Variants in EHMT2 observed in about 807,000 individuals in gnomAD.
The protein encoded by EHMT2 is histone-lysine N-methyltransferase EHMT2.
Under a neutral mutation model 143.3 loss-of-function variants are expected in EHMT2, and 59 were observed. The observed-to-expected ratio is 0.41, with a 90% CI of 0.33 to 0.51. The LOEUF is 0.51. EHMT2 is among the 20% of genes least tolerant of loss of function. The pLI, the probability that EHMT2 is intolerant of heterozygous loss-of-function variation, is 0.18. For synonymous variants in EHMT2, 604 were observed against 651.5 expected (o/e 0.93, Z 1.11); for missense variants, 1,174 against 1,645.9 (o/e 0.71, Z 4.96).
exon 16 of EHMT2, chr6:31,887,016 C>G: frequency 6.2e-7 from 1 of 1,614,002 alleles, no homozygotes; most frequent in Non-Finnish European, 8.5e-7. Context: ...CATGGCAGAT[C>G]TCCACGGAGC....
chr6:31,896,515 G>A (rs745665216), exon 4 of EHMT2: 1 of 1,612,368 alleles, frequency 6.2e-7, no homozygotes, highest in African/African-American at 1.3e-5. Context: ...TTGTGGCATG[G>A]CCTAGAAAAC....
In EHMT2 at chr6:31,884,692, G is replaced by A. The variant is rs1764587054; in HGVS notation, c.2556C>T (p.Asp852=). 1 of 1,584,130 alleles carries A rather than the reference G, an allele frequency of 6.3e-7. No individual in the cohort carries two copies. Among genetic ancestry groups the A allele is most frequent in the Admixed American group, 1.8e-5 (1 of 56,890 alleles). The change falls in exon 20 of 28, where the codon GAC becomes GAT. Residue 852 remains aspartate (D), a synonymous_variant. Transcript: ENST00000375537. The surrounding 1 kb of genome is among the most constrained non-coding windows in gnomAD (Gnocchi z 7.3). ...CCCGAGCTGCGATGTGCAGGGGGGTGTCCCCATGGTAGTTGACAGCATGGA... is the reference window on the plus strand; with the variant it reads ...CCCGAGCTGCGATGTGCAGGGGGGTATCCCCATGGTAGTTGACAGCATGGA...
chr6:31,882,554 A>ACAGGGG (rs1764247262), intron 25 of EHMT2, 145 bp downstream of exon 25: 16 of 794,058 alleles, frequency 2.0e-5, no homozygotes, highest in Non-Finnish European at 2.5e-5. Flanking sequence ...AGCTGCAGGA[A>ACAGGGG]TAGGGGTCAG....
At chr6:31,894,740 C>G (rs993630706) in intron 4 of EHMT2, among the ~76,000 whole-genome samples, 4 of 152,284 alleles carry the variant, frequency 2.6e-5, no homozygotes, top group African/African-American at 7.2e-5. Flanking sequence ...TGGCTCACTG[C>G]AAGTGATTCT....
rs774697155 is a variant in EHMT2, at chr6:31,886,566, G to A, written c.2343+15C>T. The stretch of plus-strand genomic sequence containing the variant: ...ACCAGGGACCCAGAGGGGCTGGGCT[G>A]GGTGGGCCGCTGACCTGGGCGTTGA... On this transcript the variant is annotated intron_variant, in intron 18 of 27. Coordinates refer to ENST00000375537, the Ensembl canonical transcript of EHMT2. 7 of 1,606,094 alleles carry A rather than the reference G, an allele frequency of 4.4e-6. No individual in the cohort carries two copies. The highest frequency in any genetic ancestry group is 8.5e-7 in the Non-Finnish European group (1 of 1,175,698).
At chr6:31,892,267 A>G in intron 7 of EHMT2, 140 bp downstream of exon 7, 2 of 979,858 alleles carry the variant, frequency 2.0e-6, no homozygotes, top group East Asian at 5.0e-5. Flanking sequence ...GGAGTTATAG[A>G]CAGCATGGGG....
At position 31,880,876 on chromosome 6, in the gene EHMT2, A is replaced by G; in HGVS notation, c.3277-28T>C. The G allele has an allele frequency of 6.2e-7, 1 of 1,611,790 alleles. No individual in the cohort carries two copies. The highest frequency in any genetic ancestry group is 8.5e-7 in the Non-Finnish European group (1 of 1,179,176). On this transcript the variant is annotated intron_variant, in intron 26 of 27. Transcript: ENST00000375537. The surrounding 1 kb of genome is among the most constrained non-coding windows in gnomAD (Gnocchi z 6.6). The stretch of plus-strand genomic sequence containing the variant: ...GGGGCAGGGGGATGGCACTCTTCAC[A>G]TCTCCCCCGACCCTGCTTGCCCTCC...
intron 4 of EHMT2, among the ~76,000 whole-genome samples, chr6:31,894,796 C>G (rs1221997799): frequency 2.7e-5 from 4 of 146,720 alleles, no homozygotes; most frequent in African/African-American, 1.0e-4. Context: ...CGCACGCCAC[C>G]ACACCTGGCT....
chr6:31,882,374 T>C (rs1172982042), intron 25 of EHMT2, among the ~76,000 whole-genome samples: 2 of 152,074 alleles, frequency 1.3e-5, no homozygotes, highest in African/African-American at 2.4e-5. Flanking sequence ...CCAAGTCTGT[T>C]TGTCTCCCAA....
At position 31,883,665 on chromosome 6, in the gene EHMT2, T is replaced by C. The variant is rs1166319416; in HGVS notation, c.2916+141A>G. The C allele has an allele frequency of 3.2e-6, 4 of 1,257,646 alleles. No individual in the cohort carries two copies. The highest frequency in any genetic ancestry group is 4.5e-6 in the Non-Finnish European group (4 of 890,478). 77.9% of individuals were successfully genotyped at this position (1,257,646 alleles called of 1,614,324 possible). On this transcript the variant is annotated intron_variant, in intron 22 of 27. Coordinates refer to ENST00000375537, the Ensembl canonical transcript of EHMT2. The surrounding 1 kb of genome is among the most constrained non-coding windows in gnomAD (Gnocchi z 5.6). ...TGACCTAGGAAAAGGATCCCTCCCC[T>C]GGTGGGGATGCGACCCCACACCAGG...
chr6:31,897,567 G>C, intron 1 of EHMT2, 69 bp downstream of exon 1: 1 of 1,103,072 alleles, frequency 9.1e-7, no homozygotes, highest in Non-Finnish European at 1.1e-6. Context: ...CCGGAGCATT[G>C]CACGGGCGCG....
Position 31,884,814 on chromosome 6 carries a change from G to C in EHMT2, c.2449-15C>G. On this transcript the variant is annotated splice_polypyrimidine_tract_variant and intron_variant, in intron 19 of 27. Coordinates refer to ENST00000375537, the Ensembl canonical transcript of EHMT2. The surrounding 1 kb of genome is among the most constrained non-coding windows in gnomAD (Gnocchi z 7.3). The stretch of plus-strand genomic sequence containing the variant: ...ATGTTCTCCTCCTGTGGAGGTAGGA[G>C]GGGAACAGATGAGGTGCAGGCAGCT... The C allele has an allele frequency of 6.3e-7, 1 of 1,592,344 alleles. No individual in the cohort carries two copies. The highest frequency in any genetic ancestry group is 8.6e-7 in the Non-Finnish European group (1 of 1,167,784).
rs1764475641 is a variant in EHMT2 at position 31,884,075 on chromosome 6, G to C, written c.2772-125C>G. ...GCAGGGGAGTAAGGTTGCCAGGTAA[G>C]ATGCAGGACAGCGAGTTAACATAGA... is the stretch of plus-strand genomic sequence containing the variant. On this transcript the variant is annotated intron_variant, in intron 21 of 27. Coordinates refer to ENST00000375537, the Ensembl canonical transcript of EHMT2. This position sits in a 1 kb window ranked among gnomAD's most constrained non-coding sequence, Gnocchi z 7.3. 8 of 1,074,750 alleles carry C rather than the reference G, an allele frequency of 7.4e-6. No individual in the cohort carries two copies. Among genetic ancestry groups the C allele is most frequent in the African/African-American group, 1.6e-5 (1 of 62,748 alleles). The allele number at this position is 1,074,750 out of a possible 1,614,324, so 66.6% of individuals were successfully genotyped here.
Position 31,888,935 on chromosome 6 carries a change from C to T in EHMT2, c.1216+34G>A. ...TTCCCTCCTGCCCTGAGGTCGCCCC[C>T]TAGTGGCTCCCTGTCCCGGCAATTG... is the stretch of plus-strand genomic sequence containing the variant. On this transcript the variant is annotated intron_variant, in intron 10 of 27. Transcript: ENST00000375537. The surrounding 1 kb of genome is among the most constrained non-coding windows in gnomAD (Gnocchi z 7.4). 1 of 1,569,612 alleles carries T rather than the reference C, an allele frequency of 6.4e-7. No individual in the cohort carries two copies. Among genetic ancestry groups the T allele is most frequent in the African/African-American group, 1.3e-5 (1 of 74,246 alleles).
rs146704002 is a variant in EHMT2 at position 31,884,423 on chromosome 6, G to A, written c.2740C>T (p.Arg914Trp). The A allele has an allele frequency of 8.1e-6, 13 of 1,612,686 alleles. No individual in the cohort carries two copies. Among genetic ancestry groups the A allele is most frequent in the Non-Finnish European group, 1.1e-5 (13 of 1,179,980 alleles). Residue 914 changes from arginine to tryptophan, a missense_variant, in exon 21 of 28, where the codon CGG becomes TGG. Physicochemically the swap from Arg to Trp is moderately radical, Grantham distance 101 (BLOSUM62 -3). Transcript: ENST00000375537. The surrounding 1 kb of genome is among the most constrained non-coding windows in gnomAD (Gnocchi z 7.3). The stretch of plus-strand genomic sequence containing the variant: ...ATGATCTTCTCTGTGCGGATGGCCC[G>A]ATTTCCCACCCCAAGTCGGAGCTTG...
At position 31,895,394 on chromosome 6, in the gene EHMT2, T is replaced by A. The variant is rs553579524; in HGVS notation, c.582+869A>T. 3 of 152,008 alleles carry A rather than the reference T, an allele frequency of 2.0e-5. No homozygotes were observed. The South Asian group carries it at 6.2e-4, about 31-fold the overall frequency. The allele number at this position is 152,008 out of a possible 1,614,324, so 9.4% of individuals were successfully genotyped here. Reference sequence around the variant, plus strand: ...TAAAAAATTTTTATCTTTTTTTTTTTCTTTTTGCGGCTCCTTCCAGAGCAG... The same window carrying A: ...TAAAAAATTTTTATCTTTTTTTTTTACTTTTTGCGGCTCCTTCCAGAGCAG... On this transcript the variant is annotated intron_variant, in intron 4 of 27. Coordinates refer to ENST00000375537, the Ensembl canonical transcript of EHMT2.
At chr6:31,892,433 C>G in exon 7 of EHMT2, 2 of 1,613,008 alleles carry the variant, frequency 1.2e-6, no homozygotes. Context: ...ACGCGCTCAT[C>G]CACAGAGTAG....
rs771039483 is a variant in EHMT2, at chr6:31,888,344, T to C, written c.1509+19A>G. 10 of 1,611,942 alleles carry C rather than the reference T, an allele frequency of 6.2e-6. No homozygotes were observed. The highest frequency in any genetic ancestry group is 6.8e-6 in the Non-Finnish European group (8 of 1,179,476). ...TCTGCCACAGGGCATGCTACCTGTC[T>C]GCCCCACTGGTCACTCACCGCCGTG... On this transcript the variant is annotated intron_variant, in intron 12 of 27. Transcript: ENST00000375537. This position sits in a 1 kb window ranked among gnomAD's most constrained non-coding sequence, Gnocchi z 7.4.
At chr6:31,897,042 G>A (rs775593601) in intron 1 of EHMT2, 53 bp from the exon 2 acceptor site, 1 of 1,518,736 alleles carries the variant, frequency 6.6e-7, no homozygotes, top group Non-Finnish European at 8.8e-7. Context: ...AGAGAGTTGG[G>A]GGGTCCAGGA....
Sources: allele counts gnomAD v4.1 joint callset (sites outside exome capture counted in the v4.1 genomes callset), GRCh38; gene constraint gnomAD v4.1.1; non-coding constraint Gnocchi (gnomAD v3.1); transcripts MANE v1.5; gene names NCBI Gene and HGNC (gene_info 2026-07-23, HGNC 2026-07-21).